FAM131B: variants seen among roughly 807,000 people sequenced by gnomAD.
FAM131B encodes family with sequence similarity 131 member B, also known as protein FAM131B.
In FAM131B, 19 loss-of-function variants were observed where a neutral mutation model predicts 42.0. That is an observed-to-expected ratio of 0.45 (90% CI 0.32 to 0.66). The LOEUF is 0.66. Ranked by LOEUF, FAM131B falls within the 30% of genes least tolerant of loss-of-function variation. The pLI, the probability that FAM131B is intolerant of heterozygous loss-of-function variation, is 0.05. For missense variants in FAM131B, 370 were observed against 468.4 expected (o/e 0.79, Z 1.94); for synonymous variants, 183 against 177.6 (o/e 1.03, Z -0.24).
At chr7:143,368,502 G>C in the FAM131B span, among the ~76,000 whole-genome samples, 6 of 152,092 alleles carry the variant, frequency 3.9e-5, no homozygotes, top group Non-Finnish European at 8.8e-5. Flanking sequence ...CAGGGGAGAG[G>C]GGCAACAGAT....
the FAM131B span, among the ~76,000 whole-genome samples, chr7:143,372,416 T>C: frequency 6.6e-6 from 1 of 152,306 alleles, no homozygotes; most frequent in Non-Finnish European, 1.5e-5. Flanking sequence ...GCCAAGGGAT[T>C]GTCGAAGCAC....
the FAM131B span, among the ~76,000 whole-genome samples, chr7:143,376,149 C>A: frequency 5.9e-5 from 9 of 152,190 alleles, no homozygotes; most frequent in African/African-American, 1.9e-4. Flanking sequence ...GGAATCCTCA[C>A]TGCTGCTTCT....
chr7:143,370,945 C>T, the FAM131B span, among the ~76,000 whole-genome samples: 5 of 152,164 alleles, frequency 3.3e-5, no homozygotes, highest in Non-Finnish European at 7.4e-5. Context: ...TCATTTCTAA[C>T]CTTAAGTGGC....
the FAM131B span, among the ~76,000 whole-genome samples, chr7:143,369,423 C>A: frequency 2.0e-5 from 3 of 152,066 alleles, no homozygotes; most frequent in African/African-American, 7.2e-5. Context: ...GCCTGTAATC[C>A]CAGCACTTTG....
chr7:143,360,204 G>T, intron 1 of FAM131B, 55 bp from the exon 2 acceptor site: 1 of 1,554,234 alleles, frequency 6.4e-7, no homozygotes, highest in South Asian at 1.2e-5. Flanking sequence ...CAGCCGAGGC[G>T]ACACCCTGGG....
chr7:143,360,274 T>C (rs930172431), intron 1 of FAM131B, 125 bp from the exon 2 acceptor site: 2 of 1,481,170 alleles, frequency 1.4e-6, no homozygotes, highest in African/African-American at 1.4e-5. Flanking sequence ...ATCCCTGCAC[T>C]CTCCAAATTC....
the FAM131B span, among the ~76,000 whole-genome samples, chr7:143,368,819 A>G: frequency 2.6e-5 from 4 of 152,290 alleles, no homozygotes; most frequent in African/African-American, 9.6e-5. Context: ...TCCTCTTACA[A>G]ACACTTGTTT....
At chr7:143,373,199 A>G in the FAM131B span, among the ~76,000 whole-genome samples, 1 of 151,950 alleles carries the variant, frequency 6.6e-6, no homozygotes, top group Non-Finnish European at 1.5e-5. Flanking sequence ...CCTGACCAAC[A>G]TGGTGAAACC....
Position 143,359,740 on chromosome 7 carries a change from C to T in FAM131B, c.166G>A (p.Gly56Ser), listed in dbSNP as rs759483131. The change falls in exon 3 of 7, where the codon GGC becomes AGC. Residue 56 changes from glycine to serine, a missense_variant. By Grantham distance (56) the Gly-to-Ser change is moderately conservative (BLOSUM62 0). Coordinates refer to ENST00000443739, the MANE Select transcript of FAM131B (RefSeq NM_001031690.3). The surrounding 1 kb of genome is among the most constrained non-coding windows in gnomAD (Gnocchi z 5.4). ...GGGGCAGCTGCACTCACGTTGATGC[C>T]GTCCCAGGAGAAATCAGTTCGAGTT... is the stretch of plus-strand genomic sequence containing the variant. Reference protein sequence around the residue: ...EQTRTDFSWDGINLSMEDTTS... With the variant: ...EQTRTDFSWDSINLSMEDTTS... 13 of 1,571,252 alleles carry T rather than the reference C, an allele frequency of 8.3e-6. No individual in the cohort carries two copies. The highest frequency in any genetic ancestry group is 1.2e-5 in the South Asian group (1 of 85,344).
the FAM131B span, chr7:143,379,994 C>T: frequency 1.1e-6 from 1 of 915,888 alleles, no homozygotes; most frequent in Admixed American, 6.2e-5. Flanking sequence ...TGGGGTTAGT[C>T]CTCGGATGAT....
chr7:143,366,363 A>G (rs189721005), upstream of FAM131B, among the ~76,000 whole-genome samples: 2 of 152,240 alleles, frequency 1.3e-5, no homozygotes, highest in Admixed American at 6.5e-5. Context: ...CTACTTATCA[A>G]TGTCCTTGTA....
chr7:143,378,726 G>A, the FAM131B span, among the ~76,000 whole-genome samples: 4 of 152,008 alleles, frequency 2.6e-5, no homozygotes, highest in Non-Finnish European at 4.4e-5. Context: ...ACACGCTCCC[G>A]CCACCTCACC....
chr7:143,360,249 C>T (rs1161308165), intron 1 of FAM131B, 100 bp from the exon 2 acceptor site: 7 of 1,527,210 alleles, frequency 4.6e-6, no homozygotes, highest in Non-Finnish European at 5.3e-6. Context: ...ACCCCAGCTG[C>T]CCATTTCCTC....
chr7:143,360,317 T>C, intron 1 of FAM131B, 168 bp from the exon 2 acceptor site: 1 of 1,440,744 alleles, frequency 6.9e-7, no homozygotes, highest in Non-Finnish European at 9.1e-7. Context: ...TGAGCCCAAA[T>C]ATTCAGTTTT....
At chr7:143,365,314 A>C (rs768537771), upstream of FAM131B, among the ~76,000 whole-genome samples, 11 of 152,308 alleles carry the variant, frequency 7.2e-5, no homozygotes, top group Middle Eastern at 3.4e-3. Flanking sequence ...AGAATGAGGG[A>C]TTCCCATCTG....
Sources: allele counts gnomAD v4.1 joint callset (sites outside exome capture counted in the v4.1 genomes callset), GRCh38; gene constraint gnomAD v4.1.1; non-coding constraint Gnocchi (gnomAD v3.1); transcripts MANE v1.5; gene names NCBI Gene and HGNC (gene_info 2026-07-23, HGNC 2026-07-21).